The following SLC9B1 variants were observed in gnomAD, a reference collection of about 807,000 sequenced individuals.
The protein encoded by SLC9B1 is solute carrier family 9 member B1.
In SLC9B1, 32 loss-of-function variants were observed where a neutral mutation model predicts 51.7. The observed-to-expected ratio is 0.62, with a 90% CI of 0.47 to 0.83. The LOEUF is 0.83. SLC9B1 is among the 40% of genes least tolerant of loss of function. SLC9B1 has a pLI of 0.00. For synonymous variants in SLC9B1, 145 were observed against 212.7 expected (o/e 0.68, Z 2.77); for missense variants, 406 against 613.2 (o/e 0.66, Z 3.57).
intron 7 of SLC9B1, among the ~76,000 whole-genome samples, chr4:102,925,036 C>A (rs1413481114): frequency 2.6e-5 from 4 of 152,092 alleles, no homozygotes; most frequent in African/African-American, 9.7e-5. Flanking sequence ...ACCATTTCAC[C>A]CAGCCATCCC....
chr4:102,893,174 C>T (rs569182576), intron 11 of SLC9B1, among the ~76,000 whole-genome samples: 3 of 145,542 alleles, frequency 2.1e-5, no homozygotes, highest in African/African-American at 7.7e-5. Context: ...CCCAGCTACT[C>T]GGGAGGCTGA....
At chr4:102,996,008 A>T (rs777107300) in intron 1 of SLC9B1, among the ~76,000 whole-genome samples, 5 of 152,204 alleles carry the variant, frequency 3.3e-5, no homozygotes, top group African/African-American at 1.2e-4. Flanking sequence ...ATATGGTCAT[A>T]TAACTAGCAA....
intron 1 of SLC9B1, among the ~76,000 whole-genome samples, chr4:102,995,750 T>A (rs1740182087): frequency 6.6e-6 from 1 of 152,194 alleles, no homozygotes; most frequent in African/African-American, 2.4e-5. Flanking sequence ...TTTTCATAAC[T>A]GTGGGAAGTG....
At chr4:103,000,201 A>C (rs1249873016) in intron 1 of SLC9B1, among the ~76,000 whole-genome samples, 1 of 152,166 alleles carries the variant, frequency 6.6e-6, no homozygotes, top group Non-Finnish European at 1.5e-5. Context: ...ACACAGAACC[A>C]AACCATACTG....
intron 1 of SLC9B1, among the ~76,000 whole-genome samples, chr4:103,007,969 T>A (rs1740877581): frequency 6.6e-6 from 1 of 152,206 alleles, no homozygotes; most frequent in South Asian, 2.1e-4. Flanking sequence ...TGGATAAGTT[T>A]ATTAGAAATT....
intron 7 of SLC9B1, among the ~76,000 whole-genome samples, chr4:102,918,113 GAAACTA>G: frequency 8.6e-6 from 1 of 116,390 alleles, no homozygotes; most frequent in Non-Finnish European, 1.8e-5. Context: ...AAAACCCAAT[GAAACTA>G]GTAGTTGTTT....
At chr4:102,920,810 A>G (rs1223293219) in intron 7 of SLC9B1, among the ~76,000 whole-genome samples, 2 of 152,240 alleles carry the variant, frequency 1.3e-5, no homozygotes, top group African/African-American at 4.8e-5. Context: ...AAAGGGTATC[A>G]GTGATTGAAG....
At chr4:102,886,864 C>G (rs1288315022) in intron 11 of SLC9B1, among the ~76,000 whole-genome samples, 1 of 152,210 alleles carries the variant, frequency 6.6e-6, no homozygotes, top group African/African-American at 2.4e-5. Context: ...ATTTGTCTAC[C>G]TCTGCCTCTG....
In SLC9B1 at chr4:102,911,472, C is replaced by T. The variant is rs1230581671; in HGVS notation, c.895G>A (p.Val299Ile). Residue 299 changes from valine (V) to isoleucine (I), a missense_variant, in exon 8 of 12, where the codon GTT becomes ATT. Transcript: ENST00000296422. Reference protein sequence around the residue: ...NVCISLLAGIVLGFFVRYFPS... With the variant: ...NVCISLLAGIILGFFVRYFPS... ...AAATATCGAACAAAAAATCCCAAAA[C>T]AATTCCTGCCAGCAGACTAATACAT... 1.3e-6 allele frequency: 2 copies of T among 1,596,970 alleles called. No homozygotes were observed. The highest frequency in any genetic ancestry group is 1.7e-5 in the Admixed American group (1 of 59,976).
Position 102,910,202 on chromosome 4 carries a change from T to C in SLC9B1, c.1086+237A>G, listed in dbSNP as rs570099068. 7.2e-5 allele frequency among the ~76,000 whole-genome samples: 11 copies of C among 152,230 alleles called. No homozygotes were observed. In the East Asian group the frequency reaches 7.7e-4, roughly 11 times the overall value. ...ATTGATAAAGGTAATATAATAATAT[T>C]ATATAAAACTTGGGAAAAAGAGAAG... On this transcript the variant is annotated intron_variant, in intron 9 of 11. Coordinates refer to ENST00000296422, the MANE Select transcript of SLC9B1 (RefSeq NM_139173.4).
In SLC9B1 at chr4:102,923,679, A is replaced by C. The variant is rs1355063711; in HGVS notation, c.829+8445T>G. On this transcript the variant is annotated intron_variant, in intron 7 of 11. Coordinates refer to ENST00000296422, the MANE Select transcript of SLC9B1 (RefSeq NM_139173.4). ...TTAGAAAACCCCATCATCTCAGCCC[A>C]AAATCTCCTTAAGCTAAGCAACTTC... Among the ~76,000 whole-genome samples the C allele has an allele frequency of 3.6e-5, 4 of 112,194 alleles. No homozygotes were observed. In the Admixed American group the frequency reaches 3.6e-4, roughly 10 times the overall value. The allele number at this position is 112,194 out of a possible 152,430, so 73.6% of individuals were successfully genotyped here.
intron 7 of SLC9B1, among the ~76,000 whole-genome samples, chr4:102,930,497 T>C (rs1309964677): frequency 6.6e-6 from 1 of 152,212 alleles, no homozygotes; most frequent in Admixed American, 6.5e-5. Context: ...CTCCGCCTCC[T>C]GGGTTCAAGT....
intron 2 of SLC9B1, 109 bp from the exon 3 acceptor site, chr4:102,990,050 G>T: frequency 1.2e-6 from 1 of 862,144 alleles, no homozygotes; most frequent in Non-Finnish European, 1.7e-6. Flanking sequence ...CTGTCAATGC[G>T]AGGAATCACA....
At chr4:103,009,389 T>G (rs1740975253) in intron 1 of SLC9B1, among the ~76,000 whole-genome samples, 1 of 152,210 alleles carries the variant, frequency 6.6e-6, no homozygotes, top group Non-Finnish European at 1.5e-5. Flanking sequence ...TGTGGATGAT[T>G]TACTTTGTAG....
intron 7 of SLC9B1, among the ~76,000 whole-genome samples, chr4:102,922,472 T>C (rs1417811012): frequency 6.6e-6 from 1 of 152,070 alleles, no homozygotes; most frequent in Non-Finnish European, 1.5e-5. Context: ...AGATCTAAAA[T>C]TGACACCTTA....
At chr4:102,974,215 C>T (rs1400670939) in intron 3 of SLC9B1, among the ~76,000 whole-genome samples, 30 of 100,532 alleles carry the variant, frequency 3.0e-4, no homozygotes, top group African/African-American at 1.1e-3. Flanking sequence ...CCAGCCTGGG[C>T]AACAGAGCAA....
chr4:102,943,066 C>G (rs948442008), intron 6 of SLC9B1, among the ~76,000 whole-genome samples: 6 of 150,660 alleles, frequency 4.0e-5, no homozygotes, highest in African/African-American at 4.9e-5. Context: ...GGCCAAGAAA[C>G]ATGAAAAAAT....
At chr4:102,910,347 C>G (rs1735278891) in intron 9 of SLC9B1, 92 bp downstream of exon 9, 1 of 1,182,792 alleles carries the variant, frequency 8.5e-7, no homozygotes, top group Non-Finnish European at 1.1e-6. Context: ...CCTTTTGGAA[C>G]ATTTTCCAAC....
chr4:102,958,597 G>T (rs1475476927), intron 3 of SLC9B1, among the ~76,000 whole-genome samples: 1 of 152,110 alleles, frequency 6.6e-6, no homozygotes, highest in African/African-American at 2.4e-5. Flanking sequence ...GCTGCAATAA[G>T]CTATGACCAT....
Sources: gnomAD v4.1 joint callset for allele counts (sites outside exome capture counted in the v4.1 genomes callset) on GRCh38, gnomAD v4.1.1 for gene constraint, MANE v1.5 for transcripts, NCBI Gene and HGNC (gene_info 2026-07-23, HGNC 2026-07-21) for gene names.